Variants in TNIP1 observed in about 807,000 individuals in gnomAD.
TNIP1 encodes the protein TNFAIP3-interacting protein 1.
TNIP1 carries 22 observed loss-of-function variants against 86.6 expected under a neutral mutation model. That is an observed-to-expected ratio of 0.25 (90% CI 0.18 to 0.36). The LOEUF (loss-of-function observed/expected upper bound fraction) is 0.36. Ranked by LOEUF, TNIP1 falls within the 10% of genes least tolerant of loss-of-function variation. TNIP1 has a pLI of 1.00. For synonymous variants in TNIP1, 294 were observed against 313.0 expected (o/e 0.94, Z 0.64); for missense variants, 709 against 820.6 (o/e 0.86, Z 1.66).
chr5:151,068,095 C>T (rs1762443624), intron 1 of TNIP1, among the ~76,000 whole-genome samples: 1 of 152,152 alleles, frequency 6.6e-6, no homozygotes, highest in Non-Finnish European at 1.5e-5. Flanking sequence ...GGGGGCAGAG[C>T]TTGGGGAGAA....
upstream of TNIP1, chr5:151,087,678 TG>T (rs1339719410): frequency 2.6e-5 from 4 of 152,246 alleles, no homozygotes; most frequent in African/African-American, 4.8e-5. Flanking sequence ...CACATTTGGA[TG>T]TCAAGTAAGG....
intron 9 of TNIP1, 46 bp from the exon 10 acceptor site, chr5:151,043,007 C>G (rs779952587): frequency 6.2e-7 from 1 of 1,602,332 alleles, no homozygotes; most frequent in Admixed American, 1.7e-5. Flanking sequence ...AGAGAAGGAA[C>G]AAGGAGAGCC....
chr5:151,055,983 G>A (rs1297429209), intron 6 of TNIP1, among the ~76,000 whole-genome samples: 2 of 152,212 alleles, frequency 1.3e-5, no homozygotes, highest in Non-Finnish European at 2.9e-5. Context: ...CATGAACTCC[G>A]AATGGGGACC....
At chr5:151,034,841 G>T in intron 15 of TNIP1, 161 bp downstream of exon 15, 1 of 721,530 alleles carries the variant, frequency 1.4e-6, no homozygotes, top group Non-Finnish European at 2.4e-6. Context: ...TGTGGGCACT[G>T]CCTCTGTACC....
In TNIP1 at chr5:151,035,044, C is replaced by T; in HGVS notation, c.1545G>A (p.Glu515=). 1.9e-6 allele frequency: 3 copies of T among 1,614,088 alleles called. No homozygotes were observed. Among genetic ancestry groups the T allele is most frequent in the Non-Finnish European group, 1.7e-6 (2 of 1,180,000 alleles). The change falls in exon 15 of 18, where the codon GAG becomes GAA. Residue 515 remains glutamate (E), a synonymous_variant. Transcript: ENST00000521591. ...GCTGTCTGAGGGCTTCTCTTGCCTT[C>T]TCCTCATCTTTGAATGCTTTTAGCT... ...NAQLKAFKDE[E]KAREALRQQK...
chr5:151,086,452 A>G (rs1180056190), intron 1 of TNIP1, among the ~76,000 whole-genome samples: 1 of 152,090 alleles, frequency 6.6e-6, no homozygotes, highest in Non-Finnish European at 1.5e-5. Context: ...CTCCAGTGTT[A>G]AGGAGGGTCT....
intron 1 of TNIP1, among the ~76,000 whole-genome samples, chr5:151,070,218 A>G (rs1223872516): frequency 6.6e-6 from 1 of 152,264 alleles, no homozygotes; most frequent in Non-Finnish European, 1.5e-5. Flanking sequence ...CTCACTTTCT[A>G]CTTTAGGCAA....
Position 151,033,728 on chromosome 5 carries a change from C to T in TNIP1, c.1659G>A (p.Pro553=), listed in dbSNP as rs531026678. ...HLCGAYPYAY[P]PMPAMVPHHG... is the part of the protein sequence containing the mutation. ...GGTGTGGCACCATGGCTGGCATGGGCGGGTAGGCGTAGGGGTAGGCCCCGC... is the reference window on the plus strand; with the variant it reads ...GGTGTGGCACCATGGCTGGCATGGGTGGGTAGGCGTAGGGGTAGGCCCCGC... The change falls in exon 16 of 18, where the codon CCG becomes CCA. Residue 553 remains proline (P), a synonymous_variant. Coordinates refer to ENST00000521591, the MANE Select transcript of TNIP1 (RefSeq NM_006058.5). 24 of 1,353,218 alleles carry T rather than the reference C, an allele frequency of 1.8e-5. No individual in the cohort carries two copies. Among genetic ancestry groups the T allele is most frequent in the Middle Eastern group, 2.0e-4 (1 of 5,052 alleles). The allele number at this position is 1,353,218 out of a possible 1,614,324, so 83.8% of individuals were successfully genotyped here. A position where few individuals can be genotyped will look rare whatever the true frequency, so the allele number is the denominator to read the frequency against.
chr5:151,046,041 T>G lies in TNIP1; in HGVS notation c.847-91A>C, dbSNP rs2287723. ...GCTCCTCTAAGACCCCTCACCCAAG[T>G]GGCCCCAGCCCTCTGTCTCCCTATT... On this transcript the variant is annotated intron_variant, in intron 8 of 17. Coordinates refer to ENST00000521591, the MANE Select transcript of TNIP1 (RefSeq NM_006058.5). 1.4e-3 allele frequency: 1,704 copies of G among 1,257,172 alleles called. 22 individuals carry two copies. The East Asian group carries it at 0.019, about 14-fold the overall frequency. The allele number at this position is 1,257,172 out of a possible 1,614,324, so 77.9% of individuals were successfully genotyped here. A position where few individuals can be genotyped will look rare whatever the true frequency, so the allele number is the denominator to read the frequency against.
At chr5:151,047,287 G>A (rs146478051) in intron 8 of TNIP1, among the ~76,000 whole-genome samples, 45 of 152,312 alleles carry the variant, frequency 3.0e-4, no homozygotes, top group African/African-American at 1.0e-3. Flanking sequence ...CTCCTCATGA[G>A]ATCCAATCAC....
rs143556268 is a variant in TNIP1 at position 151,064,996 on chromosome 5, G to T, written c.100C>A (p.Arg34=). ...ATCCCTTGCATTTTTTCCTTCAGCC[G>T]GGAATTCTCCTTCACTAGGCGCTCA... ...AFERLVKENS[R]LKEKMQGIKM... The change falls in exon 2 of 18, where the codon CGG becomes AGG. Residue 34 remains arginine, a synonymous_variant. Coordinates refer to ENST00000521591, the MANE Select transcript of TNIP1 (RefSeq NM_006058.5). The T allele has an allele frequency of 4.3e-6, 7 of 1,614,158 alleles. No individual in the cohort carries two copies. The highest frequency in any genetic ancestry group is 5.9e-6 in the Non-Finnish European group (7 of 1,180,030).
At chr5:151,038,660 G>A (rs72790109) in intron 12 of TNIP1, among the ~76,000 whole-genome samples, 13,508 of 152,194 alleles carry the variant, frequency 0.089, 757 homozygotes, top group Middle Eastern at 0.21. Flanking sequence ...GGCGCCCAGG[G>A]TATACACCTT....
At chr5:151,042,984 G>T in intron 9 of TNIP1, 23 bp from the exon 10 acceptor site, 1 of 1,613,538 alleles carries the variant, frequency 6.2e-7, no homozygotes, top group Non-Finnish European at 8.5e-7. Flanking sequence ...ACTGGAGTTA[G>T]CAGGAGATGA....
intron 1 of TNIP1, among the ~76,000 whole-genome samples, chr5:151,079,784 A>C (rs1763801625): frequency 6.6e-6 from 1 of 152,110 alleles, no homozygotes; most frequent in Admixed American, 6.5e-5. Context: ...TACCCTCCTA[A>C]TACAATTCTA....
chr5:151,049,637 C>T (rs564950238), intron 8 of TNIP1, among the ~76,000 whole-genome samples, 187 bp downstream of exon 8: 1 of 152,298 alleles, frequency 6.6e-6, no homozygotes, highest in Admixed American at 6.5e-5. Flanking sequence ...CATGAAGCCA[C>T]AGTGACTACC....
At chr5:151,065,187 T>A (rs1762083965) in intron 1 of TNIP1, 56 bp from the exon 2 acceptor site, 3 of 1,478,324 alleles carry the variant, frequency 2.0e-6, no homozygotes, top group Non-Finnish European at 2.7e-6. Context: ...GGGCATCCTT[T>A]GCAGAGAAGC....
intron 1 of TNIP1, among the ~76,000 whole-genome samples, chr5:151,071,031 T>TG (rs138862645): frequency 0.021 from 3,041 of 145,004 alleles, 98 homozygotes; most frequent in African/African-American, 0.071. Context: ...CTGTTAGGGG[T>TG]GGGGGGGGCG....
intron 7 of TNIP1, among the ~76,000 whole-genome samples, chr5:151,050,705 C>A (rs971448417): frequency 6.6e-6 from 1 of 152,084 alleles, no homozygotes; most frequent in African/African-American, 2.4e-5. Flanking sequence ...CCAATCTCGG[C>A]TCACCACAGC....
chr5:151,065,092 C>T lies in TNIP1; in HGVS notation c.4G>A (p.Glu2Lys), dbSNP rs1762071397. 1 of 1,613,336 alleles carries T rather than the reference C, an allele frequency of 6.2e-7. No individual in the cohort carries two copies. M[E>K]GRGPYRIYDP... ...TAGATCCGGTACGGTCCTCTCCCTT[C>T]CATGAGGGTAGCTCAGCCCCTGCCG... Residue 2 changes from glutamate (E) to lysine (K), a missense_variant, in exon 2 of 18, where the codon GAA (glutamate) becomes AAA (lysine). Physicochemically the swap from Glu to Lys is moderately conservative, Grantham distance 56. Transcript: ENST00000521591.
Sources: allele counts gnomAD v4.1 joint callset (sites outside exome capture counted in the v4.1 genomes callset), GRCh38; gene constraint gnomAD v4.1.1; transcripts MANE v1.5; gene names NCBI Gene and HGNC (gene_info 2026-07-23, HGNC 2026-07-21).